Variants in MARCHF1 observed in about 807,000 individuals in gnomAD.
MARCHF1 encodes the protein membrane associated ring-CH-type finger 1.
In MARCHF1, 40 loss-of-function variants were observed where a neutral mutation model predicts 54.2. The ratio of observed to expected loss-of-function variants is 0.74; its 90% confidence interval spans 0.57 to 0.96. The LOEUF (loss-of-function observed/expected upper bound fraction) is 0.96. Ranked by LOEUF, MARCHF1 falls within the 40% of genes least tolerant of loss-of-function variation. The pLI is 0.00. For missense variants in MARCHF1, 586 were observed against 656.5 expected (o/e 0.89, Z 1.17); for synonymous variants, 236 against 236.3 (o/e 1.00, Z 0.01).
chr4:163,692,331 A>G (rs575163526), intron 5 of MARCHF1, among the ~76,000 whole-genome samples: 1 of 152,218 alleles, frequency 6.6e-6, no homozygotes, highest in Non-Finnish European at 1.5e-5. Flanking sequence ...ATTCTTAAAT[A>G]AAAATAAGTA....
chr4:164,329,575 T>C (rs1008280746), intron 1 of MARCHF1, among the ~76,000 whole-genome samples: 1 of 152,160 alleles, frequency 6.6e-6, no homozygotes, highest in Admixed American at 6.5e-5. Flanking sequence ...TGAGACTGGG[T>C]AATTTATAAG....
intron 5 of MARCHF1, among the ~76,000 whole-genome samples, chr4:163,639,092 A>T (rs1421497260): frequency 6.6e-6 from 1 of 152,144 alleles, no homozygotes. Context: ...ACAGGAGGAA[A>T]AGAGTGCTGG....
At chr4:163,920,360 G>A (rs1263504404) in intron 3 of MARCHF1, among the ~76,000 whole-genome samples, 1 of 152,136 alleles carries the variant, frequency 6.6e-6, no homozygotes, top group Non-Finnish European at 1.5e-5. Context: ...CTCTTGGTTG[G>A]TCAAAGATGC....
intron 3 of MARCHF1, among the ~76,000 whole-genome samples, chr4:163,915,424 G>T (rs1050847556): frequency 2.0e-5 from 3 of 151,894 alleles, no homozygotes; most frequent in Non-Finnish European, 4.4e-5. Flanking sequence ...GAGAAACTGA[G>T]AAATTATCAC....
intron 1 of MARCHF1, among the ~76,000 whole-genome samples, chr4:164,116,542 G>A (rs60705610): frequency 6.6e-6 from 1 of 152,062 alleles, no homozygotes; most frequent in African/African-American, 2.4e-5. Flanking sequence ...TCTAGTTTCT[G>A]TTCCAAGAGT....
In MARCHF1 at chr4:164,140,688, T is replaced by C. The variant is rs145688002; in HGVS notation, c.-322-29026A>G. Among the ~76,000 whole-genome samples, 896 of 152,224 alleles carry C rather than the reference T, an allele frequency of 5.9e-3. 9 individuals are homozygous for C. Among genetic ancestry groups the C allele is most frequent in the African/African-American group, 0.021 (855 of 41,532 alleles). ...TCCTTGGCAATACCTGTCGCCATCA[T>C]TTCCTTTCTGTGCAGCAAGCAGCAG... is the stretch of plus-strand genomic sequence containing the variant. On this transcript the variant is annotated intron_variant, in intron 1 of 9. Transcript: ENST00000514618.
At chr4:163,967,544 C>A (rs1752466341) in intron 3 of MARCHF1, among the ~76,000 whole-genome samples, 2 of 152,232 alleles carry the variant, frequency 1.3e-5, no homozygotes, top group South Asian at 4.1e-4. Context: ...CTCTTATTAT[C>A]CAGCCAGTTT....
At chr4:163,845,912 C>CTTAAA (rs1749472178) in intron 4 of MARCHF1, among the ~76,000 whole-genome samples, 2 of 152,138 alleles carry the variant, frequency 1.3e-5, no homozygotes, top group Non-Finnish European at 2.9e-5. Context: ...ATCAGTCTCC[C>CTTAAA]CTTCGCATTC....
At chr4:164,273,342 G>A (rs562252386) in intron 1 of MARCHF1, among the ~76,000 whole-genome samples, 3 of 152,266 alleles carry the variant, frequency 2.0e-5, no homozygotes, top group Admixed American at 1.3e-4. Flanking sequence ...CACAAGAAGA[G>A]CACGGGGGAA....
chr4:163,991,668 A>G (rs1208890546), intron 2 of MARCHF1, among the ~76,000 whole-genome samples: 1 of 152,208 alleles, frequency 6.6e-6, no homozygotes, highest in South Asian at 2.1e-4. Context: ...GCTCAGCTGC[A>G]TCTACATATG....
chr4:164,059,883 C>G (rs1397520806), intron 2 of MARCHF1, among the ~76,000 whole-genome samples: 1 of 151,940 alleles, frequency 6.6e-6, no homozygotes, highest in African/African-American at 2.4e-5. Context: ...ATTGAGAAAA[C>G]AAAATATTTT....
intron 5 of MARCHF1, among the ~76,000 whole-genome samples, chr4:163,668,768 A>G (rs1249213631): frequency 6.6e-6 from 1 of 152,188 alleles, no homozygotes; most frequent in Non-Finnish European, 1.5e-5. Context: ...GCAGAATCCA[A>G]GAAAAGGAGC....
At chr4:164,192,032 C>T (rs1477781485) in intron 1 of MARCHF1, among the ~76,000 whole-genome samples, 4 of 151,912 alleles carry the variant, frequency 2.6e-5, no homozygotes, top group African/African-American at 7.3e-5. Context: ...AACAAACCAA[C>T]GACAAGAATA....
intron 8 of MARCHF1, among the ~76,000 whole-genome samples, chr4:163,582,012 T>C (rs751003104): frequency 6.6e-6 from 1 of 152,214 alleles, no homozygotes; most frequent in Non-Finnish European, 1.5e-5. Flanking sequence ...GGGAGATAGA[T>C]AGTTGTCAGT....
intron 2 of MARCHF1, among the ~76,000 whole-genome samples, chr4:163,995,724 A>C (rs1753062046): frequency 6.6e-6 from 1 of 152,060 alleles, no homozygotes; most frequent in Non-Finnish European, 1.5e-5. Context: ...TTTAAAGGCA[A>C]ATTATAAAGC....
intron 4 of MARCHF1, among the ~76,000 whole-genome samples, chr4:163,733,193 A>ATACACGTG (rs1745902631): frequency 4.6e-5 from 1 of 21,802 alleles, no homozygotes; most frequent in African/African-American, 1.5e-4. Context: ...ATATATATAT[A>ATACACGTG]TATATATATA....
intron 4 of MARCHF1, among the ~76,000 whole-genome samples, chr4:163,821,544 G>A (rs1046222482): frequency 6.6e-6 from 1 of 151,794 alleles, no homozygotes; most frequent in Non-Finnish European, 1.5e-5. Flanking sequence ...AATCCTATGA[G>A]ATAAAAATTA....
At chr4:164,061,547 G>GA (rs1485231357) in intron 2 of MARCHF1, among the ~76,000 whole-genome samples, 1 of 104,550 alleles carries the variant, frequency 9.6e-6, no homozygotes, top group Non-Finnish European at 1.8e-5. Flanking sequence ...GGGGGGAGGG[G>GA]GGAGGGATAG....
rs1010002960 is a variant in MARCHF1 at position 163,902,420 on chromosome 4, C to T, written c.-38-48251G>A. Among the ~76,000 whole-genome samples, 8 of 152,254 alleles carry T rather than the reference C, an allele frequency of 5.3e-5. No homozygotes were observed. In the South Asian group the frequency reaches 1.2e-3, roughly 24 times the overall value. On this transcript the variant is annotated intron_variant, in intron 3 of 9. Coordinates refer to ENST00000514618, the MANE Select transcript of MARCHF1 (RefSeq NM_001394959.1). ...CAGAGTATCTTAAGTGGCATTAATA[C>T]GGCGAATGGATCAACCTGCAGACAT... is the stretch of plus-strand genomic sequence containing the variant.
Sources: gnomAD v4.1 joint callset for allele counts (sites outside exome capture counted in the v4.1 genomes callset) on GRCh38, gnomAD v4.1.1 for gene constraint, MANE v1.5 for transcripts, NCBI Gene and HGNC (gene_info 2026-07-23, HGNC 2026-07-21) for gene names.